Variants in CSMD1 observed in about 807,000 individuals in gnomAD.
CSMD1 encodes CUB and Sushi multiple domains 1.
CSMD1 carries 213 observed loss-of-function variants against 417.5 expected under a neutral mutation model. The observed-to-expected ratio is 0.51, with a 90% CI of 0.46 to 0.57. The LOEUF (loss-of-function observed/expected upper bound fraction) is 0.57. CSMD1 is among the 20% of genes least tolerant of loss of function. The pLI is 0.00. For synonymous variants in CSMD1, 2,862 were observed against 1,736.8 expected (o/e 1.65, Z -16.11); for missense variants, 6,923 against 4,529.7 (o/e 1.53, Z -15.17).
At chr8:4,441,278 T>TTG (rs918553087) in intron 2 of CSMD1, among the ~76,000 whole-genome samples, 1 of 143,392 alleles carries the variant, frequency 7.0e-6, no homozygotes, top group Admixed American at 7.0e-5. Context: ...TTTTTTTTTT[T>TTG]TTTTGGTGGG....
chr8:4,149,961 C>T (rs1002964086), intron 3 of CSMD1, among the ~76,000 whole-genome samples: 13 of 152,174 alleles, frequency 8.5e-5, no homozygotes, highest in African/African-American at 3.1e-4. Context: ...TGATGTGGTA[C>T]ACAAAGTTCA....
chr8:3,061,184 T>C lies in CSMD1; in HGVS notation c.7475-8537A>G, dbSNP rs1303869349. ...TATATAAAGTATCCAAACCTTTGCTTCCTCACCTGCAAAACACAAATCACC... is the reference window on the plus strand; with the variant it reads ...TATATAAAGTATCCAAACCTTTGCTCCCTCACCTGCAAAACACAAATCACC... On this transcript the variant is annotated intron_variant, in intron 49 of 69. Transcript: ENST00000635120. 2.0e-5 allele frequency among the ~76,000 whole-genome samples: 3 copies of C among 152,140 alleles called. No individual in the cohort carries two copies. In the East Asian group the frequency reaches 5.8e-4, roughly 29 times the overall value.
chr8:3,143,199 T>G (rs1818611255), intron 40 of CSMD1, among the ~76,000 whole-genome samples: 1 of 152,236 alleles, frequency 6.6e-6, no homozygotes, highest in South Asian at 2.1e-4. Context: ...CTGTTTGCCT[T>G]GTCCCACAGT....
intron 5 of CSMD1, among the ~76,000 whole-genome samples, chr8:3,868,872 C>T (rs1052966330): frequency 6.6e-6 from 1 of 152,170 alleles, no homozygotes; most frequent in East Asian, 1.9e-4. Flanking sequence ...CTGTTACCAT[C>T]GTCTTCTAAT....
intron 7 of CSMD1, among the ~76,000 whole-genome samples, chr8:3,672,600 C>T (rs1799134048): frequency 6.6e-6 from 1 of 152,154 alleles, no homozygotes; most frequent in African/African-American, 2.4e-5. Flanking sequence ...TTACATTTGG[C>T]CATTGTCTAC....
At chr8:3,007,279 T>A (rs2128960452) in intron 52 of CSMD1, among the ~76,000 whole-genome samples, 1 of 151,704 alleles carries the variant, frequency 6.6e-6, no homozygotes, top group South Asian at 2.1e-4. Flanking sequence ...AAACAACAGG[T>A]GCTGGAGAGG....
chr8:4,781,352 A>G (rs1797142977), intron 1 of CSMD1, among the ~76,000 whole-genome samples: 2 of 152,338 alleles, frequency 1.3e-5, no homozygotes, highest in South Asian at 4.1e-4. Context: ...ATGAAACAAG[A>G]GATCCCTTTC....
rs916491763 is a variant in CSMD1 at position 4,078,532 on chromosome 8, G to A, written c.416-46433C>T. On this transcript the variant is annotated intron_variant, in intron 3 of 69. Coordinates refer to ENST00000635120, the MANE Select transcript of CSMD1 (RefSeq NM_033225.6). ...GCCCACCTCGGCCTCCCAAAGTGCT[G>A]GGATTACAGGGGTGAGCCACTGCGC... Among the ~76,000 whole-genome samples the A allele has an allele frequency of 3.3e-5, 5 of 151,490 alleles. 1 individual carries two copies. The highest frequency in any genetic ancestry group is 2.6e-4 in the Admixed American group (4 of 15,210).
At chr8:4,498,331 A>C (rs1802080547) in intron 2 of CSMD1, among the ~76,000 whole-genome samples, 1 of 152,146 alleles carries the variant, frequency 6.6e-6, no homozygotes, top group East Asian at 1.9e-4. Context: ...TTAGACACAC[A>C]CACGTTAACT....
chr8:4,874,253 A>T (rs938832413), intron 1 of CSMD1, among the ~76,000 whole-genome samples: 5 of 152,144 alleles, frequency 3.3e-5, no homozygotes, highest in Non-Finnish European at 7.3e-5. Flanking sequence ...TCATCAAATT[A>T]CGTGGGATAC....
chr8:3,130,643 T>C (rs574019062), intron 41 of CSMD1, among the ~76,000 whole-genome samples: 1 of 152,126 alleles, frequency 6.6e-6, no homozygotes, highest in African/African-American at 2.4e-5. Flanking sequence ...TTCTCTCAAC[T>C]CATCGGGCTT....
At chr8:3,172,001 A>T (rs755802934) in intron 37 of CSMD1, among the ~76,000 whole-genome samples, 1 of 152,188 alleles carries the variant, frequency 6.6e-6, no homozygotes, top group Non-Finnish European at 1.5e-5. Flanking sequence ...ATGATATTAT[A>T]TTTAATGAAA....
chr8:3,418,286 T>A (rs1813283678), intron 12 of CSMD1, among the ~76,000 whole-genome samples: 1 of 152,106 alleles, frequency 6.6e-6, no homozygotes, highest in African/African-American at 2.4e-5. Context: ...ATGAACTGTC[T>A]CAGCAGCTCA....
At chr8:4,422,159 T>C (rs527727421) in intron 2 of CSMD1, among the ~76,000 whole-genome samples, 305 of 152,282 alleles carry the variant, frequency 2.0e-3, no homozygotes, top group African/African-American at 6.4e-3. Flanking sequence ...CAGTTCCAAA[T>C]GTTCCCACTG....
At chr8:3,181,318 TTGTC>T in intron 36 of CSMD1, 104 bp from the exon 37 acceptor site, 1 of 732,866 alleles carries the variant, frequency 1.4e-6, no homozygotes, top group Non-Finnish European at 2.3e-6. Context: ...TCCCTACAGT[TTGTC>T]TGATTACCAG....
At position 4,253,561 on chromosome 8, in the gene CSMD1, T is replaced by G. The variant is rs574692663; in HGVS notation, c.415+166392A>C. Among the ~76,000 whole-genome samples, 6 of 152,296 alleles carry G rather than the reference T, an allele frequency of 3.9e-5. No individual in the cohort carries two copies. The East Asian group carries it at 1.2e-3, about 29-fold the overall frequency. ...GATGTTATTTAATCTTGGAGAACAT[T>G]TGATCTGGTATACTTCAAAGCAGTA... On this transcript the variant is annotated intron_variant, in intron 3 of 69. Coordinates refer to ENST00000635120, the MANE Select transcript of CSMD1 (RefSeq NM_033225.6).
chr8:4,619,806 A>C (rs926096670), intron 2 of CSMD1, among the ~76,000 whole-genome samples: 1 of 152,278 alleles, frequency 6.6e-6, no homozygotes, highest in African/African-American at 2.4e-5. Context: ...CACATAGCAC[A>C]TATCAGTTGA....
At chr8:4,785,199 G>A (rs1797338904) in intron 1 of CSMD1, among the ~76,000 whole-genome samples, 1 of 152,284 alleles carries the variant, frequency 6.6e-6, no homozygotes, top group African/African-American at 2.4e-5. Context: ...CTATTCTGCT[G>A]CTCCTAGAAG....
chr8:4,218,829 G>T (rs550747654), intron 3 of CSMD1, among the ~76,000 whole-genome samples: 160 of 152,194 alleles, frequency 1.1e-3, no homozygotes, highest in Middle Eastern at 3.4e-3. Context: ...CTTTTATTCT[G>T]ACAATTATTT....
Sources: allele counts gnomAD v4.1 joint callset (sites outside exome capture counted in the v4.1 genomes callset), GRCh38; gene constraint gnomAD v4.1.1; transcripts MANE v1.5; gene names NCBI Gene and HGNC (gene_info 2026-07-23, HGNC 2026-07-21).